FAM174B: variants seen among roughly 807,000 people sequenced by gnomAD.
FAM174B encodes membrane protein FAM174B.
A neutral mutation model predicts 10.9 loss-of-function variants in FAM174B; 12 were observed. The ratio of observed to expected loss-of-function variants is 1.10; its 90% confidence interval spans 0.71 to 1.79. FAM174B has a LOEUF of 1.79. Among genes scored for constraint, FAM174B ranks in the 40% most tolerant of loss-of-function variants. FAM174B has a pLI of 0.00. For missense variants in FAM174B, 266 were observed against 233.3 expected (o/e 1.14, Z -0.91); for synonymous variants, 132 against 115.8 (o/e 1.14, Z -0.90).
chr15:92,617,762 CG>C lies in FAM174B; in HGVS notation c.*1693del. The C allele has an allele frequency of 1.8e-6, 1 of 568,824 alleles. No individual in the cohort carries two copies. Among genetic ancestry groups the C allele is most frequent in the East Asian group, 3.3e-5 (1 of 30,428 alleles). The allele number at this position is 568,824 out of a possible 1,614,324, so 35.2% of individuals were successfully genotyped here. On this transcript the variant is annotated 3_prime_UTR_variant, in exon 3 of 3. Coordinates refer to ENST00000327355, the MANE Select transcript of FAM174B (RefSeq NM_207446.3). ...GTGGAGAGGAGAGATAAAGCAGCCA[CG>C]GCTGTTCTGTTGCCAGTCCCACCCC...
In FAM174B at chr15:92,617,581, T is replaced by C. The variant is rs1273889318; in HGVS notation, c.*1875A>G. 1.7e-5 allele frequency: 10 copies of C among 587,688 alleles called. No homozygotes were observed. Among genetic ancestry groups the C allele is most frequent in the Middle Eastern group, 2.7e-4 (1 of 3,742 alleles). The allele number at this position is 587,688 out of a possible 1,614,324, so 36.4% of individuals were successfully genotyped here. ...ACCTGGCAGATGGAGCCCGGGTGTT[T>C]CTGCGTAAGGCAGAGGAATCCAGCT... On this transcript the variant is annotated 3_prime_UTR_variant, in exon 3 of 3. Coordinates refer to ENST00000327355, the MANE Select transcript of FAM174B (RefSeq NM_207446.3).
At position 92,630,017 on chromosome 15, in the gene FAM174B, C is replaced by T. The variant is rs867139610; in HGVS notation, c.476+197G>A. ...AATTAAACCTCTCTTTATACATTTC[C>T]TAGTCCCAGGTATGTCTTTATTAGC... On this transcript the variant is annotated intron_variant, in intron 2 of 2. Coordinates refer to ENST00000327355, the MANE Select transcript of FAM174B (RefSeq NM_207446.3). 12 of 455,728 alleles carry T rather than the reference C, an allele frequency of 2.6e-5. No homozygotes were observed. In the Middle Eastern group the frequency reaches 5.1e-3, roughly 195 times the overall value. The allele number at this position is 455,728 out of a possible 1,614,324, so 28.2% of individuals were successfully genotyped here. A position where few individuals can be genotyped will look rare whatever the true frequency, so the allele number is the denominator to read the frequency against.
intron 2 of FAM174B, 121 bp from the exon 3 acceptor site, chr15:92,619,580 C>CCA: frequency 8.7e-7 from 1 of 1,151,462 alleles, no homozygotes; most frequent in East Asian, 2.4e-5. Context: ...CAGTCCCCAG[C>CCA]CACAGGACCT....
Position 92,617,911 on chromosome 15 carries a change from C to T in FAM174B, c.*1545G>A, listed in dbSNP as rs1042420532. The T allele has an allele frequency of 5.6e-5, 23 of 408,708 alleles. 1 individual carries two copies. The Admixed American group carries it at 5.8e-4, about 10-fold the overall frequency. 25.3% of individuals were successfully genotyped at this position (408,708 alleles called of 1,614,324 possible). A position where few individuals can be genotyped will look rare whatever the true frequency, so the allele number is the denominator to read the frequency against. ...TACCATGCGTGCTGGGCCGGCTGCG[C>T]CACCCTCACCCAGGGCTTCCCACGG... On this transcript the variant is annotated 3_prime_UTR_variant, in exon 3 of 3. Coordinates refer to ENST00000327355, the MANE Select transcript of FAM174B (RefSeq NM_207446.3).
intron 1 of FAM174B, among the ~76,000 whole-genome samples, chr15:92,646,839 C>T (rs1296962243): frequency 1.3e-5 from 2 of 152,252 alleles, no homozygotes; most frequent in South Asian, 2.1e-4. Context: ...GGAAGTTATC[C>T]CCCCTTCCAC....
intron 2 of FAM174B, among the ~76,000 whole-genome samples, chr15:92,629,087 G>A (rs911390806): frequency 6.8e-6 from 1 of 146,952 alleles, no homozygotes; most frequent in African/African-American, 2.7e-5. Flanking sequence ...ACCAAGGACC[G>A]CCAAGGCTGT....
intron 1 of FAM174B, chr15:92,639,306 G>C (rs2077914469): frequency 6.6e-6 from 1 of 152,232 alleles, no homozygotes; most frequent in Admixed American, 6.5e-5. Context: ...TCAACAGAAG[G>C]AGGGCACGCT....
chr15:92,629,633 C>T (rs1364493561), intron 2 of FAM174B, among the ~76,000 whole-genome samples: 1 of 152,188 alleles, frequency 6.6e-6, no homozygotes, highest in Non-Finnish European at 1.5e-5. Context: ...ACTTTGTGTT[C>T]TCCTTTGGGA....
chr15:92,636,203 A>G (rs2050855079), intron 1 of FAM174B, among the ~76,000 whole-genome samples: 2 of 152,106 alleles, frequency 1.3e-5, no homozygotes, highest in African/African-American at 2.4e-5. Context: ...AGTCCCAGCT[A>G]CTTGGGAGGC....
Position 92,630,274 on chromosome 15 carries a change from G to A in FAM174B, c.416C>T (p.Ala139Val), listed in dbSNP as rs200570895. The change falls in exon 2 of 3, where the codon GCG becomes GTG. Residue 139 changes from alanine to valine, a missense_variant. By Grantham distance (64) the Ala-to-Val change is moderately conservative. Coordinates refer to ENST00000327355, the MANE Select transcript of FAM174B (RefSeq NM_207446.3). ...TTCATCATCCTCTTCATTTAGTGGC[G>A]CCATTTCCACTCGCTCTGCTGGAGT... is the stretch of plus-strand genomic sequence containing the variant. ...ITTPAERVEM[A>V]PLNEEDDEDE... is the part of the protein sequence containing the mutation. 179 of 1,613,330 alleles carry A rather than the reference G, an allele frequency of 1.1e-4. 1 individual carries two copies. The highest frequency in any genetic ancestry group is 1.9e-4 in the African/African-American group (14 of 74,816).
intron 1 of FAM174B, among the ~76,000 whole-genome samples, chr15:92,641,553 T>C (rs1201584133): frequency 2.0e-5 from 3 of 152,186 alleles, no homozygotes; most frequent in East Asian, 3.8e-4. Context: ...GTAAAAAGCA[T>C]AGTGTATGTG....
intron 2 of FAM174B, among the ~76,000 whole-genome samples, chr15:92,629,928 CT>C (rs200061684): frequency 2.0e-5 from 3 of 152,292 alleles, no homozygotes; most frequent in South Asian, 4.1e-4. Context: ...TAAGATGTGA[CT>C]TTGCTCCTCC....
In FAM174B at chr15:92,631,228, TAA is replaced by T. The variant is rs2050801293; in HGVS notation, c.345-885_345-884del. ...CATATATTATATATTATATTATATA[TAA>T]TATATTATATATTATATTATATATA... On this transcript the variant is annotated intron_variant, in intron 1 of 2. Transcript: ENST00000327355. Among the ~76,000 whole-genome samples the T allele has an allele frequency of 6.9e-3, 27 of 3,888 alleles. 11 individuals carry two copies. Among genetic ancestry groups the T allele is most frequent in the Non-Finnish European group, 0.015 (23 of 1,532 alleles). The allele number at this position is 3,888 out of a possible 152,430, so 2.6% of individuals were successfully genotyped here.
At chr15:92,653,040 G>C (rs894027462) in intron 1 of FAM174B, 1 of 152,194 alleles carries the variant, frequency 6.6e-6, no homozygotes, top group Admixed American at 6.6e-5. Context: ...AACACATGGG[G>C]ACTGTGCACC....
At chr15:92,641,292 T>C (rs1474280020) in intron 1 of FAM174B, among the ~76,000 whole-genome samples, 1 of 152,216 alleles carries the variant, frequency 6.6e-6, no homozygotes, top group Non-Finnish European at 1.5e-5. Flanking sequence ...TTACAACATA[T>C]ACAGAGAGCA....
intron 1 of FAM174B, among the ~76,000 whole-genome samples, chr15:92,644,784 G>A (rs2050914859): frequency 6.6e-6 from 1 of 152,210 alleles, no homozygotes; most frequent in South Asian, 2.1e-4. Context: ...AGTCAAAAAG[G>A]CACAAATAGC....
At chr15:92,646,022 T>C (rs1351085357) in intron 1 of FAM174B, among the ~76,000 whole-genome samples, 1 of 148,930 alleles carries the variant, frequency 6.7e-6, no homozygotes, top group South Asian at 2.2e-4. Flanking sequence ...CCCTTCACAA[T>C]GCCCCCCTTC....
chr15:92,617,593 A>G lies in FAM174B; in HGVS notation c.*1863T>C. 1.6e-6 allele frequency: 1 copy of G among 633,360 alleles called. No individual in the cohort carries two copies. Among genetic ancestry groups the G allele is most frequent in the Non-Finnish European group, 2.8e-6 (1 of 357,210 alleles). 39.2% of individuals were successfully genotyped at this position (633,360 alleles called of 1,614,324 possible). A position where few individuals can be genotyped will look rare whatever the true frequency, so the allele number is the denominator to read the frequency against. ...GAGCCCGGGTGTTTCTGCGTAAGGC[A>G]GAGGAATCCAGCTTTTCCATGAGAT... On this transcript the variant is annotated 3_prime_UTR_variant, in exon 3 of 3. Transcript: ENST00000327355.
In FAM174B at chr15:92,655,743, G is replaced by A; in HGVS notation, c.-84C>T. 2.4e-5 allele frequency: 27 copies of A among 1,132,832 alleles called. No homozygotes were observed. The highest frequency in any genetic ancestry group is 2.9e-5 in the Non-Finnish European group (26 of 910,072). The allele number at this position is 1,132,832 out of a possible 1,614,324, so 70.2% of individuals were successfully genotyped here. On this transcript the variant is annotated 5_prime_UTR_variant, in exon 1 of 3. Coordinates refer to ENST00000327355, the MANE Select transcript of FAM174B (RefSeq NM_207446.3). Reference sequence around the variant, plus strand: ...CACCAGCACGGAGGCCTGCACCGGGGGATCCTGCGGCGGAGGCGGCTGCGC... The same window carrying A: ...CACCAGCACGGAGGCCTGCACCGGGAGATCCTGCGGCGGAGGCGGCTGCGC...
Sources: allele counts gnomAD v4.1 joint callset (sites outside exome capture counted in the v4.1 genomes callset), GRCh38; gene constraint gnomAD v4.1.1; transcripts MANE v1.5; gene names NCBI Gene and HGNC (gene_info 2026-07-23, HGNC 2026-07-21).